Variants in NCKAP1L observed in about 807,000 individuals in gnomAD.
NCKAP1L encodes the protein NCK associated protein 1 like.
NCKAP1L carries 53 observed loss-of-function variants against 139.2 expected under a neutral mutation model. That is an observed-to-expected ratio of 0.38 (90% CI 0.31 to 0.48). The LOEUF (loss-of-function observed/expected upper bound fraction) is 0.48. Ranked by LOEUF, NCKAP1L falls within the 20% of genes least tolerant of loss-of-function variation. NCKAP1L has a pLI of 0.98. For synonymous variants in NCKAP1L, 468 were observed against 499.7 expected, an observed-to-expected ratio of 0.94 and a Z score of 0.85; for missense variants, 1,151 against 1,381.9, an observed-to-expected ratio of 0.83 and a Z score of 2.65.
rs1956860849 is a variant in NCKAP1L, at chr12:54,508,542, G to C, written c.506+11G>C. The C allele has an allele frequency of 2.5e-6, 4 of 1,613,904 alleles. No individual in the cohort carries two copies. Among genetic ancestry groups the C allele is most frequent in the Non-Finnish European group, 3.4e-6 (4 of 1,179,830 alleles). Reference sequence around the variant, plus strand: ...GCTGCATGGGCATGGGTGAGTTAAGGCGAGAGTATTATATGAAGAGTCTCA... The same window carrying C: ...GCTGCATGGGCATGGGTGAGTTAAGCCGAGAGTATTATATGAAGAGTCTCA... On this transcript the variant is annotated intron_variant, in intron 5 of 30. Coordinates refer to ENST00000293373, the MANE Select transcript of NCKAP1L (RefSeq NM_005337.5).
In NCKAP1L at chr12:54,503,949, AT is replaced by A. The variant is rs370273791; in HGVS notation, c.306+3330del. ...AGTCACTGCACCCAGCCAATAATAT[AT>A]TTTTTATATTAATTGGTATAGAAAA... On this transcript the variant is annotated intron_variant, in intron 3 of 30. Coordinates refer to ENST00000293373, the MANE Select transcript of NCKAP1L (RefSeq NM_005337.5). Among the ~76,000 whole-genome samples, 18 of 152,134 alleles carry A rather than the reference AT, an allele frequency of 1.2e-4. No individual in the cohort carries two copies. In the East Asian group the frequency reaches 3.1e-3, roughly 26 times the overall value.
rs780525851 is a variant in NCKAP1L, at chr12:54,523,970, C to T, written c.2156+14C>T. ...CAGACTCAACAGGTATCACTCTTTC[C>T]TTGTCCTCTGTTTGGACAGTAGTCT... On this transcript the variant is annotated intron_variant, in intron 20 of 30. Coordinates refer to ENST00000293373, the MANE Select transcript of NCKAP1L (RefSeq NM_005337.5). The T allele has an allele frequency of 3.7e-6, 6 of 1,611,650 alleles. No individual in the cohort carries two copies. Among genetic ancestry groups the T allele is most frequent in the Admixed American group, 3.3e-5 (2 of 59,882 alleles).
intron 21 of NCKAP1L, 32 bp from the exon 22 acceptor site, chr12:54,528,215 C>A: frequency 6.2e-7 from 1 of 1,610,324 alleles, no homozygotes. Context: ...GGGATTGGAT[C>A]CTAATCTATG....
intron 3 of NCKAP1L, among the ~76,000 whole-genome samples, chr12:54,504,481 TA>T: frequency 6.6e-6 from 1 of 152,182 alleles, no homozygotes; most frequent in South Asian, 2.1e-4. Flanking sequence ...TGGAAGCACA[TA>T]AAAAAAGTCT....
chr12:54,542,701 C>G lies in NCKAP1L; in HGVS notation c.*16C>G, dbSNP rs369302323. ...CCTAAACTGAATGCCTGCCAGTACCCACTGAAGAGCCCTTTGGACCTTCCT... is the reference window on the plus strand; with the variant it reads ...CCTAAACTGAATGCCTGCCAGTACCGACTGAAGAGCCCTTTGGACCTTCCT... On this transcript the variant is annotated 3_prime_UTR_variant, in exon 31 of 31. Transcript: ENST00000293373. 4 of 1,575,470 alleles carry G rather than the reference C, an allele frequency of 2.5e-6. No individual in the cohort carries two copies. The Admixed American group carries it at 6.7e-5, about 26-fold the overall frequency.
At chr12:54,510,694 G>A (rs938328935) in intron 7 of NCKAP1L, among the ~76,000 whole-genome samples, 5 of 97,478 alleles carry the variant, frequency 5.1e-5, no homozygotes, top group Non-Finnish European at 1.1e-4. Context: ...TTTTTTTTTT[G>A]TATCTTTAGT....
chr12:54,500,696 G>A (rs1049820046), intron 3 of NCKAP1L, 71 bp downstream of exon 3: 168 of 978,312 alleles, frequency 1.7e-4, no homozygotes, highest in Non-Finnish European at 2.5e-4. Context: ...AGATGTTCAT[G>A]TATTTGCTTA....
At chr12:54,531,953 T>G in intron 25 of NCKAP1L, 128 bp downstream of exon 25, 1 of 868,192 alleles carries the variant, frequency 1.2e-6, no homozygotes, top group South Asian at 1.7e-5. Flanking sequence ...TGGTGAGCAT[T>G]GAGAAGAGGG....
intron 26 of NCKAP1L, among the ~76,000 whole-genome samples, chr12:54,533,653 A>G (rs1292459829): frequency 6.6e-6 from 1 of 151,402 alleles, no homozygotes; most frequent in South Asian, 2.1e-4. Flanking sequence ...TGCAACCTCT[A>G]CCTCCTGGAT....
intron 28 of NCKAP1L, chr12:54,536,605 C>T: frequency 3.2e-6 from 1 of 309,084 alleles, no homozygotes; most frequent in South Asian, 3.4e-5. Context: ...TTGTAGTGAG[C>T]CATGATTGCG....
At chr12:54,535,327 G>A in intron 27 of NCKAP1L, 130 bp downstream of exon 27, 1 of 638,396 alleles carries the variant, frequency 1.6e-6, no homozygotes, top group East Asian at 2.9e-5. Context: ...TGGGAGTGAA[G>A]GAAGGACCCT....
intron 11 of NCKAP1L, 125 bp from the exon 12 acceptor site, chr12:54,517,408 T>C: frequency 5.8e-6 from 4 of 690,570 alleles, no homozygotes; most frequent in Admixed American, 2.4e-5. Flanking sequence ...AGTCTGAATG[T>C]TTATTATTCA....
intron 18 of NCKAP1L, among the ~76,000 whole-genome samples, chr12:54,522,092 C>G (rs566956758): frequency 1.6e-4 from 25 of 152,228 alleles, no homozygotes; most frequent in Middle Eastern, 3.4e-3. Context: ...TGGTACTTAC[C>G]GGGCACAAAG....
rs564560335 is a variant in NCKAP1L, at chr12:54,506,945, T to C, written c.307-908T>C. The stretch of plus-strand genomic sequence containing the variant: ...AGGCTGAATGAATTGTGGTATACCA[T>C]GGGCTATTATGCAGCTATGAAAAAG... On this transcript the variant is annotated intron_variant, in intron 3 of 30. Coordinates refer to ENST00000293373, the MANE Select transcript of NCKAP1L (RefSeq NM_005337.5). Among the ~76,000 whole-genome samples the C allele has an allele frequency of 9.9e-4, 149 of 150,992 alleles. 1 individual carries two copies. Among genetic ancestry groups the C allele is most frequent in the African/African-American group, 3.4e-3 (138 of 41,190 alleles).
intron 3 of NCKAP1L, among the ~76,000 whole-genome samples, chr12:54,503,858 C>T (rs1956821296): frequency 6.6e-6 from 1 of 152,018 alleles, no homozygotes. Context: ...CCAAGCTGGC[C>T]TCGAACTCCT....
At chr12:54,531,140 A>G in intron 22 of NCKAP1L, 120 bp from the exon 23 acceptor site, 1 of 839,558 alleles carries the variant, frequency 1.2e-6, no homozygotes, top group African/African-American at 1.7e-5. Context: ...TTGCTCCTTG[A>G]CTTCTCATTT....
intron 25 of NCKAP1L, 36 bp from the exon 26 acceptor site, chr12:54,532,134 G>T (rs755284868): frequency 7.4e-5 from 109 of 1,467,026 alleles, no homozygotes; most frequent in Non-Finnish European, 9.9e-5. Flanking sequence ...CATTGGTCAT[G>T]GTCTTGTGGA....
At chr12:54,510,026 T>C in intron 7 of NCKAP1L, 41 bp downstream of exon 7, 1 of 1,610,570 alleles carries the variant, frequency 6.2e-7, no homozygotes, top group Non-Finnish European at 8.5e-7. Context: ...GCATTCTCTT[T>C]GCCAAGGCCA....
chr12:54,532,594 C>A (rs761182522), intron 26 of NCKAP1L, among the ~76,000 whole-genome samples: 1 of 152,124 alleles, frequency 6.6e-6, no homozygotes, highest in Non-Finnish European at 1.5e-5. Context: ...GCTCTTTAGT[C>A]TTGAGGTTAG....
Sources: allele counts gnomAD v4.1 joint callset (sites outside exome capture counted in the v4.1 genomes callset), GRCh38; gene constraint gnomAD v4.1.1; transcripts MANE v1.5; gene names NCBI Gene and HGNC (gene_info 2026-07-23, HGNC 2026-07-21).